Variants in PTPRQ observed in about 807,000 individuals in gnomAD.
The protein encoded by PTPRQ is protein tyrosine phosphatase receptor type Q.
A neutral mutation model predicts 246.0 loss-of-function variants in PTPRQ; 199 were observed. The ratio of observed to expected loss-of-function variants is 0.81; its 90% CI spans 0.72 to 0.91. The LOEUF (loss-of-function observed/expected upper bound fraction) is 0.91. Ranked by LOEUF, PTPRQ falls within the 40% of genes least tolerant of loss-of-function variation. PTPRQ has a pLI of 0.00. For synonymous variants in PTPRQ, 869 were observed against 853.2 expected, an observed-to-expected ratio of 1.02 and a Z score of -0.32; for missense variants, 2,624 against 2,528.4, an observed-to-expected ratio of 1.04 and a Z score of -0.81.
intron 39 of PTPRQ, among the ~76,000 whole-genome samples, chr12:80,659,046 A>G (rs112694391): frequency 8.3e-4 from 127 of 152,174 alleles, no homozygotes; most frequent in African/African-American, 2.9e-3. Flanking sequence ...ACAATCATAT[A>G]TTGGGTCCTG....
intron 16 of PTPRQ, among the ~76,000 whole-genome samples, chr12:80,507,395 G>A (rs546720746): frequency 5.1e-4 from 78 of 151,876 alleles, no homozygotes; most frequent in African/African-American, 1.3e-3. Flanking sequence ...TCCAAGAAGG[G>A]TAGGCCTGGA....
At chr12:80,565,691 A>G (rs951094264) in intron 25 of PTPRQ, among the ~76,000 whole-genome samples, 25 of 152,206 alleles carry the variant, frequency 1.6e-4, no homozygotes, top group Non-Finnish European at 2.1e-4. Flanking sequence ...GAATACATGA[A>G]TTTTAATAAT....
At chr12:80,677,840 C>T (rs1463321291) in intron 43 of PTPRQ, among the ~76,000 whole-genome samples, 4 of 151,984 alleles carry the variant, frequency 2.6e-5, no homozygotes, top group Admixed American at 2.6e-4. Flanking sequence ...TGATGATATT[C>T]CTTTAAAGTC....
intron 3 of PTPRQ, among the ~76,000 whole-genome samples, chr12:80,449,318 T>G (rs1892665317): frequency 6.6e-6 from 1 of 152,194 alleles, no homozygotes; most frequent in East Asian, 1.9e-4. Context: ...TCCCCCATTT[T>G]TTGGGTTGCC....
chr12:80,516,067 TAC>T (rs1231220050), intron 17 of PTPRQ, among the ~76,000 whole-genome samples: 1 of 152,248 alleles, frequency 6.6e-6, no homozygotes, highest in Non-Finnish European at 1.5e-5. Flanking sequence ...TTTCAAATGA[TAC>T]ACAGTCCTTG....
At chr12:80,486,169 G>A (rs1044352705) in intron 9 of PTPRQ, among the ~76,000 whole-genome samples, 9 of 152,074 alleles carry the variant, frequency 5.9e-5, no homozygotes, top group Non-Finnish European at 1.2e-4. Context: ...AATTTAATGG[G>A]TTCATGTGTG....
Position 80,542,842 on chromosome 12 carries a change from T to A in PTPRQ, c.3834T>A (p.Phe1278Leu). 6.5e-7 allele frequency: 1 copy of A among 1,540,672 alleles called. No homozygotes were observed. Residue 1278 changes from phenylalanine to leucine, a missense_variant, in exon 23 of 45, where the codon TTT (phenylalanine) becomes TTA (leucine). Physicochemically the swap from Phe to Leu is conservative, Grantham distance 22. Transcript: ENST00000644991. ...LPGGIVKVYS[F>L]KIHEHETDTI... is the part of the protein sequence containing the mutation. Reference sequence around the variant, plus strand: ...GTGGTATTGTTAAAGTATATAGTTTTAAAATTCATGAACATGAAACTGACA... The same window carrying A: ...GTGGTATTGTTAAAGTATATAGTTTAAAAATTCATGAACATGAAACTGACA...
intron 26 of PTPRQ, among the ~76,000 whole-genome samples, chr12:80,604,231 G>A (rs969619364): frequency 6.6e-6 from 1 of 151,372 alleles, no homozygotes; most frequent in African/African-American, 2.4e-5. Context: ...GAATTGACTA[G>A]GGGCCCCAGG....
intron 25 of PTPRQ, among the ~76,000 whole-genome samples, chr12:80,559,205 C>T (rs1383513876): frequency 6.6e-6 from 1 of 152,024 alleles, no homozygotes; most frequent in African/African-American, 2.4e-5. Context: ...CCACCATGCC[C>T]GGCTAATTTT....
intron 20 of PTPRQ, among the ~76,000 whole-genome samples, chr12:80,541,143 T>C (rs188895897): frequency 4.6e-5 from 7 of 152,198 alleles, no homozygotes; most frequent in African/African-American, 1.7e-4. Flanking sequence ...ATGGCTGAGC[T>C]TTAGTTTCCT....
chr12:80,500,979 G>A (rs193058796), intron 14 of PTPRQ, among the ~76,000 whole-genome samples: 23 of 152,074 alleles, frequency 1.5e-4, no homozygotes, highest in African/African-American at 5.5e-4. Flanking sequence ...CTCACTGAGA[G>A]GTTATATTTG....
intron 9 of PTPRQ, among the ~76,000 whole-genome samples, chr12:80,484,902 G>A (rs928754451): frequency 3.9e-5 from 6 of 152,050 alleles, no homozygotes; most frequent in Non-Finnish European, 5.9e-5. Flanking sequence ...TTAATGAATT[G>A]TTCGGAAACT....
At chr12:80,624,896 C>G (rs1780331584) in intron 33 of PTPRQ, among the ~76,000 whole-genome samples, 1 of 151,592 alleles carries the variant, frequency 6.6e-6, no homozygotes, top group South Asian at 2.1e-4. Context: ...GCCGATGAAC[C>G]AAAAAAAATT....
intron 25 of PTPRQ, among the ~76,000 whole-genome samples, chr12:80,565,058 G>C (rs895272627): frequency 6.6e-6 from 1 of 152,118 alleles, no homozygotes; most frequent in Non-Finnish European, 1.5e-5. Flanking sequence ...GTGAGTTAAC[G>C]TAATAAGATC....
In PTPRQ at chr12:80,534,226, A is replaced by G. The variant is rs111809324; in HGVS notation, c.2839+51A>G. On this transcript the variant is annotated intron_variant, in intron 18 of 44. Transcript: ENST00000644991. ...AAAGAATGTTCTTTTTCTTTAAAAA[A>G]AAAATCCTGCCCAGAAAAATATTCA... 639 of 1,415,136 alleles carry G rather than the reference A, an allele frequency of 4.5e-4. 4 individuals carry two copies. In the African/African-American group the frequency reaches 8.6e-3, roughly 19 times the overall value. The allele number at this position is 1,415,136 out of a possible 1,614,324, so 87.7% of individuals were successfully genotyped here. A position where few individuals can be genotyped will look rare whatever the true frequency, so the allele number is the denominator to read the frequency against.
rs149658681 is a variant in PTPRQ at position 80,495,085 on chromosome 12, C to T, written c.1693C>T (p.Arg565Cys). The change falls in exon 11 of 45, where the codon CGT (arginine) becomes TGT (cysteine). Residue 565 changes from arginine (R) to cysteine (C), a missense_variant. Coordinates refer to ENST00000644991, the MANE Select transcript of PTPRQ (RefSeq NM_001145026.2). Reference sequence around the variant, plus strand: ...ACCAACAGTTCTCAGTGTTAGGACACGTCAGCAAGGTAAGGATGTATTTCC... The same window carrying T: ...ACCAACAGTTCTCAGTGTTAGGACATGTCAGCAAGGTAAGGATGTATTTCC... ...GPPTVLSVRTRQQVPSSIKII... is the reference protein window; with the variant it reads ...GPPTVLSVRTCQQVPSSIKII... 408 of 1,550,368 alleles carry T rather than the reference C, an allele frequency of 2.6e-4. No individual in the cohort carries two copies. In the South Asian group the frequency reaches 3.1e-3, roughly 12 times the overall value.
At chr12:80,564,593 G>T (rs977766421) in intron 25 of PTPRQ, among the ~76,000 whole-genome samples, 8 of 152,138 alleles carry the variant, frequency 5.3e-5, no homozygotes, top group Non-Finnish European at 1.0e-4. Context: ...GTAATGAAAT[G>T]AATATATTTC....
chr12:80,472,696 G>T (rs2120548542), intron 8 of PTPRQ, among the ~76,000 whole-genome samples: 1 of 152,248 alleles, frequency 6.6e-6, no homozygotes, highest in Middle Eastern at 3.4e-3. Flanking sequence ...TGAAGATTCT[G>T]AGTGGATGTA....
At chr12:80,587,422 CAT>C (rs1469086864) in intron 25 of PTPRQ, among the ~76,000 whole-genome samples, 1 of 152,080 alleles carries the variant, frequency 6.6e-6, no homozygotes, top group African/African-American at 2.4e-5. Flanking sequence ...CTAACCATAA[CAT>C]GTGTATATTA....
Sources: allele counts gnomAD v4.1 joint callset (sites outside exome capture counted in the v4.1 genomes callset), GRCh38; gene constraint gnomAD v4.1.1; transcripts MANE v1.5; gene names NCBI Gene and HGNC (gene_info 2026-07-23, HGNC 2026-07-21).